MYO16: variants seen among roughly 807,000 people sequenced by gnomAD.
MYO16 encodes the protein unconventional myosin-XVI.
A neutral mutation model predicts 205.3 loss-of-function variants in MYO16; 94 were observed. That is an observed-to-expected ratio of 0.46 (90% confidence interval 0.39 to 0.54). The LOEUF is 0.54. Among genes scored for constraint, MYO16 ranks in the 20% least tolerant of loss-of-function variants. The pLI is 0.00. For missense variants in MYO16, 2,315 were observed against 2,387.5 expected (o/e 0.97, Z 0.63); for synonymous variants, 988 against 954.0 (o/e 1.04, Z -0.66).
chr13:108,607,708 A>G (rs1394284869), intron 1 of MYO16, among the ~76,000 whole-genome samples: 2 of 152,282 alleles, frequency 1.3e-5, no homozygotes, highest in African/African-American at 4.8e-5. Flanking sequence ...TTAGAGGGGT[A>G]GTGTTGGTAT....
chr13:108,827,402 G>C (rs1029304313), intron 9 of MYO16, among the ~76,000 whole-genome samples: 2 of 152,110 alleles, frequency 1.3e-5, no homozygotes, highest in African/African-American at 2.4e-5. Context: ...TCATGATTTA[G>C]TAAGGTTAAG....
intron 23 of MYO16, among the ~76,000 whole-genome samples, chr13:109,023,308 ATATATT>A (rs1167368675): frequency 2.3e-5 from 2 of 85,338 alleles, no homozygotes; most frequent in Admixed American, 1.9e-4. Context: ...ATATAAATAT[ATATATT>A]TATATATTAT....
At chr13:108,764,463 T>A (rs1012613278) in intron 4 of MYO16, among the ~76,000 whole-genome samples, 1 of 152,164 alleles carries the variant, frequency 6.6e-6, no homozygotes, top group East Asian at 1.9e-4. Flanking sequence ...CAGACTGCTA[T>A]TGAAGAATAA....
chr13:108,796,781 C>T (rs4000591), intron 6 of MYO16, among the ~76,000 whole-genome samples: 1 of 91,882 alleles, frequency 1.1e-5, no homozygotes, highest in Non-Finnish European at 2.2e-5. Flanking sequence ...GTGGGGGGAG[C>T]GGGGAGGGAT....
intron 2 of MYO16, among the ~76,000 whole-genome samples, chr13:108,667,070 C>T (rs1177520068): frequency 6.6e-6 from 1 of 152,150 alleles, no homozygotes; most frequent in Non-Finnish European, 1.5e-5. Context: ...TTTGATAGCT[C>T]ATTTAGTGGC....
At chr13:108,722,209 G>C (rs1273986427) in intron 3 of MYO16, among the ~76,000 whole-genome samples, 1 of 152,060 alleles carries the variant, frequency 6.6e-6, no homozygotes, top group Non-Finnish European at 1.5e-5. Flanking sequence ...AGTTCTGCTG[G>C]GCATGACAGA....
At chr13:109,202,933 A>C (rs935151328) in intron 34 of MYO16, among the ~76,000 whole-genome samples, 1 of 152,066 alleles carries the variant, frequency 6.6e-6, no homozygotes, top group African/African-American at 2.4e-5. Flanking sequence ...AGCAAACAAA[A>C]ACATAAAGTG....
At chr13:109,021,298 G>A (rs1450085556) in intron 23 of MYO16, among the ~76,000 whole-genome samples, 1 of 152,134 alleles carries the variant, frequency 6.6e-6, no homozygotes, top group Non-Finnish European at 1.5e-5. Context: ...CCTTATCTTA[G>A]ATCAGGAAGC....
intron 17 of MYO16, among the ~76,000 whole-genome samples, chr13:108,959,446 G>A (rs1041889644): frequency 6.6e-6 from 1 of 152,156 alleles, no homozygotes; most frequent in Non-Finnish European, 1.5e-5. Context: ...GATCCTCAAA[G>A]GCAGGGCAAG....
intron 23 of MYO16, among the ~76,000 whole-genome samples, chr13:109,030,526 A>G (rs940894295): frequency 1.3e-5 from 2 of 152,106 alleles, no homozygotes; most frequent in Admixed American, 1.3e-4. Flanking sequence ...TTTCCTAAGG[A>G]TTATCTTTTG....
chr13:108,919,677 GCAGT>G (rs1483337664), intron 16 of MYO16, among the ~76,000 whole-genome samples: 3 of 152,220 alleles, frequency 2.0e-5, no homozygotes, highest in Non-Finnish European at 4.4e-5. Context: ...CCTCACTTCT[GCAGT>G]CAGTCAGTTA....
rs559026851 is a variant in MYO16, at chr13:108,798,937, C to G, written c.741+5297C>G. Among the ~76,000 whole-genome samples, 10 of 146,698 alleles carry G rather than the reference C, an allele frequency of 6.8e-5. No individual in the cohort carries two copies. The East Asian group carries it at 1.6e-3, about 24-fold the overall frequency. On this transcript the variant is annotated intron_variant, in intron 6 of 34. Coordinates refer to ENST00000457511, the MANE Select transcript of MYO16 (RefSeq NM_001198950.3). Reference sequence around the variant, plus strand: ...AGCCGGGATGGTCTCGATCTCCCGACCTCATGATCCACCCGCCTCGGCCTC... The same window carrying G: ...AGCCGGGATGGTCTCGATCTCCCGAGCTCATGATCCACCCGCCTCGGCCTC...
chr13:109,031,161 G>T (rs566146515), intron 23 of MYO16, among the ~76,000 whole-genome samples: 1 of 151,976 alleles, frequency 6.6e-6, no homozygotes, highest in African/African-American at 2.4e-5. Flanking sequence ...GCGCGATCTC[G>T]GCTCACTGAA....
intron 4 of MYO16, among the ~76,000 whole-genome samples, chr13:108,772,111 G>A (rs1406700922): frequency 6.6e-6 from 1 of 152,184 alleles, no homozygotes; most frequent in Non-Finnish European, 1.5e-5. Context: ...AGCACTTTGG[G>A]AAGATGAGGA....
At chr13:108,606,119 C>G (rs2139307975) in intron 1 of MYO16, among the ~76,000 whole-genome samples, 1 of 152,154 alleles carries the variant, frequency 6.6e-6, no homozygotes, top group South Asian at 2.1e-4. Context: ...GAAATTGGCA[C>G]TTATGTTTAA....
Position 109,127,731 on chromosome 13 carries a change from C to A in MYO16, c.4051+181C>A. 1.6e-6 allele frequency: 1 copy of A among 625,268 alleles called. No homozygotes were observed. Among genetic ancestry groups the A allele is most frequent in the Non-Finnish European group, 2.6e-6 (1 of 387,064 alleles). 38.7% of individuals were successfully genotyped at this position (625,268 alleles called of 1,614,324 possible). A position where few individuals can be genotyped will look rare whatever the true frequency, so the allele number is the denominator to read the frequency against. On this transcript the variant is annotated intron_variant, in intron 31 of 34. Coordinates refer to ENST00000457511, the MANE Select transcript of MYO16 (RefSeq NM_001198950.3). The surrounding 1 kb of genome is among the most constrained non-coding windows in gnomAD (Gnocchi z 4.2). ...AATAATATTTATTCAAATCTCTAAGCCTCTTAGGGAAAAGCTACTTACATG... is the reference window on the plus strand; with the variant it reads ...AATAATATTTATTCAAATCTCTAAGACTCTTAGGGAAAAGCTACTTACATG...
intron 13 of MYO16, chr13:108,886,445 G>T (rs958317930): frequency 1.1e-5 from 5 of 456,130 alleles, no homozygotes; most frequent in African/African-American, 1.0e-4. Context: ...GAAAAATGAG[G>T]CGTGCGGACA....
intron 2 of MYO16, among the ~76,000 whole-genome samples, chr13:108,670,496 C>A (rs1028707588): frequency 6.6e-6 from 1 of 152,032 alleles, no homozygotes; most frequent in Non-Finnish European, 1.5e-5. Flanking sequence ...ATGAAAGAAC[C>A]ATGGCCCTTG....
chr13:108,824,403 A>G (rs191328953), intron 9 of MYO16, among the ~76,000 whole-genome samples: 1 of 152,176 alleles, frequency 6.6e-6, no homozygotes, highest in East Asian at 1.9e-4. Context: ...GAAAATCTGG[A>G]TATTCTAATA....
Sources: gnomAD v4.1 joint callset for allele counts (sites outside exome capture counted in the v4.1 genomes callset) on GRCh38, gnomAD v4.1.1 for gene constraint, Gnocchi (gnomAD v3.1) non-coding constraint, MANE v1.5 for transcripts, NCBI Gene and HGNC (gene_info 2026-07-23, HGNC 2026-07-21) for gene names.